The following PCDHA11 variants were observed in gnomAD, a reference collection of about 807,000 sequenced individuals.
PCDHA11 encodes the protein protocadherin alpha 11, also known as protocadherin alpha-11.
A neutral mutation model predicts 70.3 loss-of-function variants in PCDHA11; 61 were observed. The ratio of observed to expected loss-of-function variants is 0.87; its 90% CI spans 0.71 to 1.07. The LOEUF (loss-of-function observed/expected upper bound fraction) is 1.07. PCDHA11 is among the 50% of genes least tolerant of loss of function. The pLI, the probability that PCDHA11 is intolerant of heterozygous loss-of-function variation, is 0.00. For synonymous variants in PCDHA11, 633 were observed against 555.1 expected (o/e 1.14, Z -1.97); for missense variants, 1,324 against 1,237.5 (o/e 1.07, Z -1.05).
chr5:140,926,170 C>G (rs558750358), intron 1 of PCDHA11, among the ~76,000 whole-genome samples: 1 of 151,736 alleles, frequency 6.6e-6, no homozygotes. Flanking sequence ...CAGGATCCAG[C>G]GCGGAAAGCC....
intron 1 of PCDHA11, among the ~76,000 whole-genome samples, chr5:140,959,969 C>T (rs1203367528): frequency 6.6e-6 from 1 of 152,104 alleles, no homozygotes; most frequent in African/African-American, 2.4e-5. Context: ...GTAGATGTTA[C>T]TGAAAGAAGA....
chr5:140,946,611 AATATATATAT>A (rs1554217734), intron 1 of PCDHA11, among the ~76,000 whole-genome samples: 3 of 86,806 alleles, frequency 3.5e-5, no homozygotes, highest in African/African-American at 1.3e-4. Flanking sequence ...GAAAATGTGA[AATATATATAT>A]ATATATATAT....
chr5:140,887,023 A>T (rs561705710), intron 1 of PCDHA11, among the ~76,000 whole-genome samples: 3 of 152,050 alleles, frequency 2.0e-5, no homozygotes, highest in South Asian at 2.1e-4. Flanking sequence ...TGCCTGAAAA[A>T]TTTCTTTAAT....
chr5:141,009,892 G>GTTT lies in PCDHA11; in HGVS notation c.2805_2806insTTT (p.Glu935_Lys936insPhe). 6.2e-7 allele frequency: 1 copy of GTTT among 1,612,140 alleles called. No individual in the cohort carries two copies. Among genetic ancestry groups the GTTT allele is most frequent in the Non-Finnish European group, 8.5e-7 (1 of 1,179,578 alleles). ...AGAAGAAGGGTAACAAGACCCAGGAGAAAAAAGAGAAAGGGAACAGCACGA... is the reference window on the plus strand; with the variant it reads ...AGAAGAAGGGTAACAAGACCCAGGAGTTTAAAAAAGAGAAAGGGAACAGCACGA... On this transcript the variant is annotated inframe_insertion, in exon 4 of 4. Transcript: ENST00000398640.
chr5:140,871,380 T>G lies in PCDHA11; in HGVS notation c.2277T>G (p.Ser759=). ...YSQQRRQRVC[S]EEGPPKTDLM... ...AGCAGAGGCGGCAGAGGGTGTGCTC[T>G]GAGGAGGGCCCACCTAAGACGGACC... The change falls in exon 1 of 4, where the codon TCT becomes TCG. Residue 759 remains serine, a synonymous_variant. Coordinates refer to ENST00000398640, the MANE Select transcript of PCDHA11 (RefSeq NM_018902.5). The G allele has an allele frequency of 6.2e-7, 1 of 1,614,184 alleles. No individual in the cohort carries two copies. Among genetic ancestry groups the G allele is most frequent in the East Asian group, 2.2e-5 (1 of 44,890 alleles).
chr5:140,944,182 GTTTGT>G (rs750577669), intron 1 of PCDHA11, among the ~76,000 whole-genome samples: 4 of 152,050 alleles, frequency 2.6e-5, no homozygotes, highest in African/African-American at 2.4e-5. Context: ...TTTTTTGTTG[GTTTGT>G]TTTGTTTTGT....
intron 1 of PCDHA11, among the ~76,000 whole-genome samples, chr5:140,939,940 C>G (rs1438905083): frequency 6.6e-6 from 1 of 152,140 alleles, no homozygotes; most frequent in Non-Finnish European, 1.5e-5. Context: ...TTATCAGTTA[C>G]TGAGAAAATT....
chr5:140,988,817 C>T (rs1244038207), intron 3 of PCDHA11: 8 of 152,028 alleles, frequency 5.3e-5, no homozygotes, highest in Admixed American at 1.3e-4. Context: ...TAACAGTAGC[C>T]CCAAACAGAG....
intron 1 of PCDHA11, chr5:140,883,493 C>T (rs1554178441): frequency 6.2e-7 from 1 of 1,614,174 alleles, no homozygotes; most frequent in Non-Finnish European, 8.5e-7. Flanking sequence ...CTCATTAGTG[C>T]TGGACAGCGC....
chr5:140,955,846 T>G (rs1256650141), intron 1 of PCDHA11, among the ~76,000 whole-genome samples: 1 of 152,218 alleles, frequency 6.6e-6, no homozygotes, highest in African/African-American at 2.4e-5. Context: ...GTCATTCTCC[T>G]TGAAGAGGTC....
chr5:140,902,767 G>A (rs1038910114), intron 1 of PCDHA11, among the ~76,000 whole-genome samples: 2 of 145,672 alleles, frequency 1.4e-5, no homozygotes, highest in African/African-American at 5.0e-5. Flanking sequence ...TTATGTCTTT[G>A]CATTCTCATA....
In PCDHA11 at chr5:140,979,026, A is replaced by AT. The variant is rs2096832382; in HGVS notation, c.2450+21dup. On this transcript the variant is annotated intron_variant, in intron 2 of 3. Coordinates refer to ENST00000398640, the MANE Select transcript of PCDHA11 (RefSeq NM_018902.5). ...TGCACAGGTATGTATTTCCCTCCTC[A>AT]TTCACTCAGAAGTAACCTTAACTTG... 1 of 1,613,372 alleles carries AT rather than the reference A, an allele frequency of 6.2e-7. No homozygotes were observed. The highest frequency in any genetic ancestry group is 1.3e-5 in the African/African-American group (1 of 74,882).
intron 1 of PCDHA11, chr5:140,967,123 C>A (rs1554229191): frequency 4.3e-6 from 7 of 1,612,606 alleles, no homozygotes; most frequent in African/African-American, 2.7e-5. Context: ...GCTGCCTGCT[C>A]AGCTTGGAAG....
chr5:140,955,386 G>T (rs942993673), intron 1 of PCDHA11, among the ~76,000 whole-genome samples: 4 of 152,080 alleles, frequency 2.6e-5, no homozygotes, highest in African/African-American at 9.7e-5. Flanking sequence ...AATCATGGGG[G>T]CAATTATCCC....
At chr5:140,883,973 G>C (rs782157297) in intron 1 of PCDHA11, 1 of 1,612,840 alleles carries the variant, frequency 6.2e-7, no homozygotes, top group Non-Finnish European at 8.5e-7. Flanking sequence ...GCTGACGCCC[G>C]GGGCTGGCAG....
intron 1 of PCDHA11, among the ~76,000 whole-genome samples, chr5:140,945,740 C>A (rs966678098): frequency 5.9e-5 from 9 of 151,998 alleles, no homozygotes; most frequent in African/African-American, 2.2e-4. Flanking sequence ...AAAAGGACAG[C>A]CTCTTCAATA....
Position 140,870,971 on chromosome 5 carries a change from T to TG in PCDHA11, c.1872dup (p.Leu625AlafsTer31), listed in dbSNP as rs782370379. 6 of 1,613,594 alleles carry TG rather than the reference T, an allele frequency of 3.7e-6. No individual in the cohort carries two copies. The highest frequency in any genetic ancestry group is 5.1e-6 in the Non-Finnish European group (6 of 1,179,872). On this transcript the variant is annotated frameshift_variant, in exon 1 of 4. Transcript: ENST00000398640. LOFTEE classifies it high-confidence loss of function. ...GGCGGCTCGCGCATCCCGTTCCGCG[T>TG]GGGGCTGTACACGGGCGAGATAAGC... is the stretch of plus-strand genomic sequence containing the variant.
rs1165097192 is a variant in PCDHA11, at chr5:140,945,230, A to G, written c.2392-33719A>G. Among the ~76,000 whole-genome samples the G allele has an allele frequency of 2.6e-5, 4 of 152,290 alleles. No individual in the cohort carries two copies. In the East Asian group the frequency reaches 7.7e-4, roughly 29 times the overall value. On this transcript the variant is annotated intron_variant, in intron 1 of 3. Transcript: ENST00000398640. ...TATGAGAAAATAAAAATACTTAGGA[A>G]TAAATTTAACCAAGAGGATGAAAGA...
intron 2 of PCDHA11, among the ~76,000 whole-genome samples, chr5:140,981,681 C>T (rs1187108666): frequency 6.6e-6 from 1 of 152,064 alleles, no homozygotes; most frequent in Non-Finnish European, 1.5e-5. Context: ...TTCCTTCCTC[C>T]CTTCCATCAT....
Sources: allele counts gnomAD v4.1 joint callset (sites outside exome capture counted in the v4.1 genomes callset), GRCh38; gene constraint gnomAD v4.1.1; transcripts MANE v1.5; gene names NCBI Gene and HGNC (gene_info 2026-07-23, HGNC 2026-07-21).